Variants in EDN3 observed in about 807,000 individuals in gnomAD.
EDN3 encodes the protein endothelin 3.
In EDN3, 9 loss-of-function variants were observed where a neutral mutation model predicts 21.4. The observed-to-expected ratio is 0.42, with a 90% CI of 0.25 to 0.73. EDN3 has a LOEUF of 0.73. Ranked by LOEUF, EDN3 falls within the 30% of genes least tolerant of loss-of-function variation. EDN3 has a pLI of 0.26. For missense variants in EDN3, 327 were observed against 309.4 expected, an observed-to-expected ratio of 1.06 and a Z score of -0.43; for synonymous variants, 133 against 126.2, an observed-to-expected ratio of 1.05 and a Z score of -0.36.
In EDN3 at chr20:59,324,543, A is replaced by G. The variant is rs1990735543; in HGVS notation, c.*84A>G. 2 of 1,600,146 alleles carry G rather than the reference A, an allele frequency of 1.2e-6. No homozygotes were observed. The highest frequency in any genetic ancestry group is 1.7e-6 in the Non-Finnish European group (2 of 1,169,680). ...TCAGATTTCCACCTCTTTATAGACA[A>G]GAAGTGAATTTGCCTGGGGCAGAAC... On this transcript the variant is annotated 3_prime_UTR_variant, in exon 5 of 5. Coordinates refer to ENST00000337938, the MANE Select transcript of EDN3 (RefSeq NM_207034.3).
rs1990770624 is a variant in EDN3 at position 59,325,208 on chromosome 20, A to G, written c.*749A>G. 6.6e-6 allele frequency: 1 copy of G among 152,378 alleles called. No homozygotes were observed. Among genetic ancestry groups the G allele is most frequent in the Non-Finnish European group, 1.5e-5 (1 of 68,070 alleles). 9.4% of individuals were successfully genotyped at this position (152,378 alleles called of 1,614,324 possible). A position where few individuals can be genotyped will look rare whatever the true frequency, so the allele number is the denominator to read the frequency against. The stretch of plus-strand genomic sequence containing the variant: ...AGTGGAGTTCCCAGGCCTTGTTTGC[A>G]GGAAGCCGACTGTAAAGACAGCCCC... On this transcript the variant is annotated 3_prime_UTR_variant, in exon 5 of 5. Transcript: ENST00000337938.
intron 2 of EDN3, among the ~76,000 whole-genome samples, chr20:59,310,175 G>A (rs76393688): frequency 2.0e-5 from 3 of 152,132 alleles, no homozygotes; most frequent in East Asian, 3.9e-4. Context: ...CTCAGAGGGG[G>A]AGCTGTAAAG....
rs749112686 is a variant in EDN3 at position 59,324,449 on chromosome 20, G to C, written c.707G>C (p.Gly236Ala). ...TGCCCCCGCTGCCTCTTTCAGGAAG[G>C]AGCCCCTTAGGAGGACAGGCCTGCA... ...STCPRCLFQE[G>A]AP The change falls in exon 5 of 5, where the codon GGA (glycine) becomes GCA (alanine). Residue 236 changes from glycine (G) to alanine (A), a missense_variant. Transcript: ENST00000337938. 1.0e-4 allele frequency: 167 copies of C among 1,613,898 alleles called. No homozygotes were observed. The highest frequency in any genetic ancestry group is 1.4e-4 in the Non-Finnish European group (166 of 1,180,016).
intron 2 of EDN3, among the ~76,000 whole-genome samples, chr20:59,315,995 C>T (rs957367933): frequency 1.3e-5 from 2 of 152,046 alleles, no homozygotes; most frequent in Non-Finnish European, 2.9e-5. Flanking sequence ...ACCATTCTGG[C>T]CAACATGGTG....
rs771336824 is a variant in EDN3, at chr20:59,301,697, G to A, written c.340G>A (p.Asp114Asn). The change falls in exon 2 of 5, where the codon GAC becomes AAC. Residue 114 changes from aspartate (D) to asparagine (N), a missense_variant. Transcript: ENST00000337938. ...DKECVYYCHLDIIWINTPEQT... is the reference protein window; with the variant it reads ...DKECVYYCHLNIIWINTPEQT... ...GGAGTGTGTCTACTATTGCCACCTG[G>A]ACATCATTTGGATCAACACTCCCGA... 1.2e-6 allele frequency: 2 copies of A among 1,614,204 alleles called. No homozygotes were observed. Among genetic ancestry groups the A allele is most frequent in the Non-Finnish European group, 1.7e-6 (2 of 1,180,026 alleles).
rs1447684513 is a variant in EDN3, at chr20:59,322,393, AACAG to A, written c.568_571del (p.Asp190LysfsTer18). On this transcript the variant is annotated frameshift_variant, in exon 4 of 5. Transcript: ENST00000337938. LOFTEE classifies it low-confidence loss of function (END_TRUNC). This position sits in a 1 kb window ranked among gnomAD's most constrained non-coding sequence, Gnocchi z 4.1. ...ACAGTAATTCAAGGACGGCAGAAAAAACAGACAAAGAAGAGGAAGGGAAGGTGAG... is the reference window on the plus strand; with the variant it reads ...ACAGTAATTCAAGGACGGCAGAAAAAACAAAGAAGAGGAAGGGAAGGTGAG... The A allele has an allele frequency of 1.9e-5, 30 of 1,614,096 alleles. No individual in the cohort carries two copies. The highest frequency in any genetic ancestry group is 1.9e-5 in the Non-Finnish European group (23 of 1,180,052).
At chr20:59,309,862 C>G (rs576044369) in intron 2 of EDN3, among the ~76,000 whole-genome samples, 1 of 152,224 alleles carries the variant, frequency 6.6e-6, no homozygotes, top group South Asian at 2.1e-4. Context: ...GGTCCAGGAA[C>G]AAAAACAGAC....
chr20:59,318,228 G>T (rs1990305807), intron 2 of EDN3, among the ~76,000 whole-genome samples: 1 of 152,228 alleles, frequency 6.6e-6, no homozygotes, highest in Admixed American at 6.5e-5. Context: ...GGAGGAAGCA[G>T]CCTGGGGCAT....
chr20:59,323,648 CCTCATCTTT>C (rs1990679446), intron 4 of EDN3: 1 of 399,764 alleles, frequency 2.5e-6, no homozygotes, highest in Non-Finnish European at 4.4e-6. Flanking sequence ...GTTGACGTGG[CCTCATCTTT>C]CTCACCAGGT....
intron 2 of EDN3, among the ~76,000 whole-genome samples, 194 bp downstream of exon 2, chr20:59,301,916 C>T (rs1245417358): frequency 6.6e-6 from 1 of 152,168 alleles, no homozygotes; most frequent in Non-Finnish European, 1.5e-5. Flanking sequence ...CCCACATCCC[C>T]CCTGAGGGCC....
At chr20:59,324,190 G>A (rs375390857) in intron 4 of EDN3, 141 bp from the exon 5 acceptor site, 2 of 1,044,338 alleles carry the variant, frequency 1.9e-6, no homozygotes, top group East Asian at 2.5e-5. Context: ...ACTGGGAAGA[G>A]GGTACATACA....
Position 59,322,410 on chromosome 20 carries a change from A to T in EDN3, c.581A>T (p.Glu194Val), listed in dbSNP as rs1333036120. 1 of 1,614,058 alleles carries T rather than the reference A, an allele frequency of 6.2e-7. No individual in the cohort carries two copies. Among genetic ancestry groups the T allele is most frequent in the Non-Finnish European group, 8.5e-7 (1 of 1,180,030 alleles). ...GCAGAAAAAACAGACAAAGAAGAGGAAGGGAAGGTGAGAGGTGCCAACAGA... is the reference window on the plus strand; with the variant it reads ...GCAGAAAAAACAGACAAAGAAGAGGTAGGGAAGGTGAGAGGTGCCAACAGA... ...RTAEKTDKEE[E>V]GKVEVKDQQS... Residue 194 changes from glutamate (E) to valine (V), a missense_variant, in exon 4 of 5, where the codon GAA (glutamate) becomes GTA (valine). Transcript: ENST00000337938. The surrounding 1 kb of genome is among the most constrained non-coding windows in gnomAD (Gnocchi z 4.1).
chr20:59,312,389 G>A (rs907709688), intron 2 of EDN3, among the ~76,000 whole-genome samples: 5 of 151,990 alleles, frequency 3.3e-5, no homozygotes, highest in Admixed American at 6.6e-5. Flanking sequence ...CATAAGTCTT[G>A]AAAATCCTGC....
At position 59,314,486 on chromosome 20, in the gene EDN3, A is replaced by G. The variant is rs77246930; in HGVS notation, c.366-6531A>G. Among the ~76,000 whole-genome samples, 1,362 of 151,746 alleles carry G rather than the reference A, an allele frequency of 9.0e-3. 24 individuals carry two copies. Among genetic ancestry groups the G allele is most frequent in the African/African-American group, 0.032 (1,304 of 41,314 alleles). On this transcript the variant is annotated intron_variant, in intron 2 of 4. Transcript: ENST00000337938. ...AAGAAGCCCTAGGCTCTGAAAGGAG[A>G]GGTGTTAGGACAGGATTGGGGGTCT... is the stretch of plus-strand genomic sequence containing the variant.
intron 2 of EDN3, among the ~76,000 whole-genome samples, chr20:59,308,246 G>T (rs556249183): frequency 8.5e-5 from 13 of 152,212 alleles, no homozygotes; most frequent in African/African-American, 3.1e-4. Context: ...CCCAGGCCAT[G>T]AGTCTCATTC....
chr20:59,302,346 G>T (rs1255634170), intron 2 of EDN3, among the ~76,000 whole-genome samples: 1 of 152,134 alleles, frequency 6.6e-6, no homozygotes, highest in Non-Finnish European at 1.5e-5. Context: ...CCACTGCCAT[G>T]GTCACAGAGG....
At chr20:59,307,937 A>G (rs977305173) in intron 2 of EDN3, among the ~76,000 whole-genome samples, 3 of 151,216 alleles carry the variant, frequency 2.0e-5, no homozygotes, top group African/African-American at 2.4e-5. Flanking sequence ...ATTCATATAT[A>G]TAATTCTATG....
At chr20:59,310,599 G>A (rs144573656) in intron 2 of EDN3, among the ~76,000 whole-genome samples, 31 of 152,244 alleles carry the variant, frequency 2.0e-4, no homozygotes, top group African/African-American at 7.2e-4. Context: ...AGGCTTGGAA[G>A]CACTGGCCTC....
At chr20:59,319,690 C>T (rs1330539349) in intron 2 of EDN3, among the ~76,000 whole-genome samples, 4 of 143,064 alleles carry the variant, frequency 2.8e-5, no homozygotes, top group Non-Finnish European at 6.0e-5. Context: ...CGTGCCATTG[C>T]ACTCCAGCCT....
Sources: allele counts gnomAD v4.1 joint callset (sites outside exome capture counted in the v4.1 genomes callset), GRCh38; gene constraint gnomAD v4.1.1; non-coding constraint Gnocchi (gnomAD v3.1); transcripts MANE v1.5; gene names NCBI Gene and HGNC (gene_info 2026-07-23, HGNC 2026-07-21).